DCC: variants seen among roughly 807,000 people sequenced by gnomAD.
The protein encoded by DCC is netrin receptor DCC.
In DCC, 58 loss-of-function variants were observed where a neutral mutation model predicts 172.5. The ratio of observed to expected loss-of-function variants is 0.34; its 90% CI spans 0.27 to 0.42. DCC has a LOEUF of 0.42. Ranked by LOEUF, DCC falls within the 10% of genes least tolerant of loss-of-function variation. DCC has a pLI of 1.00. For synonymous variants in DCC, 709 were observed against 644.5 expected (o/e 1.10, Z -1.52); for missense variants, 1,740 against 1,791.0 (o/e 0.97, Z 0.51).
chr18:53,270,860 G>T (rs2056740479), intron 12 of DCC, among the ~76,000 whole-genome samples: 2 of 151,994 alleles, frequency 1.3e-5, no homozygotes, highest in Admixed American at 1.3e-4. Flanking sequence ...CTTTTTTCTA[G>T]TATAAGCAGA....
chr18:52,956,059 T>C (rs1195171913), intron 5 of DCC, among the ~76,000 whole-genome samples: 1 of 152,054 alleles, frequency 6.6e-6, no homozygotes, highest in Non-Finnish European at 1.5e-5. Flanking sequence ...ACAGAGGTTT[T>C]TAATTTTAAC....
intron 15 of DCC, among the ~76,000 whole-genome samples, chr18:53,357,922 C>T (rs756642409): frequency 2.6e-4 from 40 of 152,204 alleles, no homozygotes; most frequent in Admixed American, 1.4e-3. Flanking sequence ...TATAATTTCA[C>T]GATTCACACA....
intron 1 of DCC, among the ~76,000 whole-genome samples, chr18:52,701,155 T>A (rs991757360): frequency 3.9e-5 from 6 of 152,198 alleles, no homozygotes; most frequent in African/African-American, 1.4e-4. Flanking sequence ...ATCAGGTACA[T>A]GTATATTGTA....
At chr18:52,451,800 T>C (rs1240784674) in intron 1 of DCC, among the ~76,000 whole-genome samples, 1 of 152,058 alleles carries the variant, frequency 6.6e-6, no homozygotes, top group Non-Finnish European at 1.5e-5. Flanking sequence ...AGGTCCCTGG[T>C]GTCTTGGTTT....
intron 1 of DCC, among the ~76,000 whole-genome samples, chr18:52,649,481 T>C (rs1198012170): frequency 9.9e-5 from 15 of 151,506 alleles, no homozygotes; most frequent in African/African-American, 3.7e-4. Context: ...TTTTGTTACA[T>C]GGCTATCTTG....
rs76087955 is a variant in DCC at position 52,771,024 on chromosome 18, A to T, written c.412+18650A>T. Among the ~76,000 whole-genome samples the T allele has an allele frequency of 1.5e-3, 232 of 152,308 alleles. No individual in the cohort carries two copies. In the East Asian group the frequency reaches 0.021, roughly 14 times the overall value. ...GCCTCCACAGGGGAAAATTAGCAGC[A>T]TTCATTTTTTCCATTTTAAAGAAAT... On this transcript the variant is annotated intron_variant, in intron 2 of 28. Coordinates refer to ENST00000442544, the MANE Select transcript of DCC (RefSeq NM_005215.4).
Position 52,853,080 on chromosome 18 carries a change from C to T in DCC, c.413-52964C>T, listed in dbSNP as rs571614110. Among the ~76,000 whole-genome samples, 10 of 152,204 alleles carry T rather than the reference C, an allele frequency of 6.6e-5. No individual in the cohort carries two copies. The East Asian group carries it at 1.9e-3, about 29-fold the overall frequency. On this transcript the variant is annotated intron_variant, in intron 2 of 28. Transcript: ENST00000442544. Reference sequence around the variant, plus strand: ...TAGCTTGATTTTTATATTAATTGTTCAATTCCACTCCTAAGATCAAATGTT... The same window carrying T: ...TAGCTTGATTTTTATATTAATTGTTTAATTCCACTCCTAAGATCAAATGTT...
chr18:53,405,366 G>A (rs1909595589), intron 19 of DCC, among the ~76,000 whole-genome samples: 1 of 151,974 alleles, frequency 6.6e-6, no homozygotes, highest in African/African-American at 2.4e-5. Flanking sequence ...AGACACATGA[G>A]GAAGTCATTT....
chr18:52,878,321 C>A (rs546781566), intron 2 of DCC, among the ~76,000 whole-genome samples: 7 of 152,156 alleles, frequency 4.6e-5, no homozygotes, highest in African/African-American at 1.7e-4. Context: ...GAATCACTCT[C>A]TTTTCTGGCA....
At position 53,287,498 on chromosome 18, in the gene DCC, A is replaced by G. The variant is rs1027909726; in HGVS notation, c.1912-18080A>G. On this transcript the variant is annotated intron_variant, in intron 12 of 28. Coordinates refer to ENST00000442544, the MANE Select transcript of DCC (RefSeq NM_005215.4). ...ATATGTTTTCAGTTACCTTAGGTAT[A>G]TACTTTGGGAAGGAACTGCTGGGTC... Among the ~76,000 whole-genome samples, 10 of 152,308 alleles carry G rather than the reference A, an allele frequency of 6.6e-5. No individual in the cohort carries two copies. The East Asian group carries it at 1.3e-3, about 21-fold the overall frequency.
At chr18:52,840,259 GAC>G (rs1336284949) in intron 2 of DCC, among the ~76,000 whole-genome samples, 1 of 152,056 alleles carries the variant, frequency 6.6e-6, no homozygotes, top group East Asian at 1.9e-4. Flanking sequence ...GTTCTTTCTG[GAC>G]ACAGTCTGCT....
At chr18:53,135,027 A>T (rs1031520401) in intron 7 of DCC, among the ~76,000 whole-genome samples, 1 of 152,182 alleles carries the variant, frequency 6.6e-6, no homozygotes, top group African/African-American at 2.4e-5. Context: ...GTGAACACCA[A>T]TAGGAACCTA....
intron 25 of DCC, among the ~76,000 whole-genome samples, chr18:53,485,083 A>C (rs1349818285): frequency 6.6e-6 from 1 of 152,062 alleles, no homozygotes; most frequent in Non-Finnish European, 1.5e-5. Context: ...CAGCATGAGA[A>C]CTAAAGTTAA....
intron 1 of DCC, among the ~76,000 whole-genome samples, chr18:52,623,134 C>T (rs1454441299): frequency 6.6e-6 from 1 of 152,122 alleles, no homozygotes; most frequent in Non-Finnish European, 1.5e-5. Flanking sequence ...TTGCCTCTGG[C>T]TGCAGCGGCA....
intron 2 of DCC, among the ~76,000 whole-genome samples, chr18:52,888,335 T>C (rs1049524251): frequency 1.3e-5 from 2 of 151,984 alleles, no homozygotes; most frequent in South Asian, 2.1e-4. Context: ...GTCTTCTCAG[T>C]GGATAATACA....
intron 7 of DCC, among the ~76,000 whole-genome samples, chr18:53,128,860 CACACACACACATATAT>C (rs1269280815): frequency 2.1e-4 from 17 of 79,322 alleles, no homozygotes; most frequent in African/African-American, 6.1e-4. Context: ...CACACACACA[CACACACACACATATAT>C]ATATATATAT....
At position 52,405,694 on chromosome 18, in the gene DCC, A is replaced by G. The variant is rs1422129510; in HGVS notation, c.91+64816A>G. On this transcript the variant is annotated intron_variant, in intron 1 of 28. Transcript: ENST00000442544. Reference sequence around the variant, plus strand: ...AGAGGATACAAACAAATGGAAGAACATTCCATGCTTATGGGTAGGAAGAAT... The same window carrying G: ...AGAGGATACAAACAAATGGAAGAACGTTCCATGCTTATGGGTAGGAAGAAT... 9.9e-5 allele frequency among the ~76,000 whole-genome samples: 15 copies of G among 151,908 alleles called. No homozygotes were observed. In the East Asian group the frequency reaches 2.7e-3, roughly 28 times the overall value.
chr18:53,439,361 A>G (rs1912128791), intron 22 of DCC, among the ~76,000 whole-genome samples: 1 of 152,182 alleles, frequency 6.6e-6, no homozygotes, highest in African/African-American at 2.4e-5. Flanking sequence ...ACCCTTATAA[A>G]GTGGGCTACA....
chr18:53,428,567 TTTA>T (rs1911282054), intron 21 of DCC, among the ~76,000 whole-genome samples: 1 of 36,418 alleles, frequency 2.7e-5, no homozygotes, highest in Admixed American at 4.5e-4. Context: ...TATATATATA[TTTA>T]TATATATAAA....
Sources: allele counts gnomAD v4.1 joint callset (sites outside exome capture counted in the v4.1 genomes callset), GRCh38; gene constraint gnomAD v4.1.1; transcripts MANE v1.5; gene names NCBI Gene and HGNC (gene_info 2026-07-23, HGNC 2026-07-21).